The following SDK2 variants were observed in gnomAD, a reference collection of about 807,000 sequenced individuals.
The protein encoded by SDK2 is sidekick cell adhesion molecule 2, also known as protein sidekick-2.
Under a neutral mutation model 253.9 loss-of-function variants are expected in SDK2, and 105 were observed. The observed-to-expected ratio is 0.41, with a 90% CI of 0.35 to 0.49. The LOEUF (loss-of-function observed/expected upper bound fraction) is 0.49, where lower values mean the gene tolerates loss of function less well. Ranked by LOEUF, SDK2 falls within the 20% of genes least tolerant of loss-of-function variation. The probability of loss-of-function intolerance (pLI) is 0.06; values close to 1 mark genes in which losing one functional copy is unlikely to be tolerated. For synonymous variants in SDK2, 1,249 were observed against 1,234.9 expected (o/e 1.01, Z -0.24); for missense variants, 2,608 against 3,003.0 (o/e 0.87, Z 3.07).
rs893463811 is a variant in SDK2 at position 73,511,914 on chromosome 17, TGTG to T, written c.65-4320_65-4318del. ...GTGTGCACGTGTTTATGTGTGCAGG[TGTG>T]TGTGTGTGCAGGTGTGTCTGCATGT... is the stretch of plus-strand genomic sequence containing the variant. On this transcript the variant is annotated intron_variant, in intron 1 of 44. Coordinates refer to ENST00000392650, the MANE Select transcript of SDK2 (RefSeq NM_001144952.2). This position sits in a 1 kb window ranked among gnomAD's most constrained non-coding sequence, Gnocchi z 4.9. 2.1e-4 allele frequency among the ~76,000 whole-genome samples: 32 copies of T among 151,966 alleles called. No homozygotes were observed. The highest frequency in any genetic ancestry group is 7.2e-4 in the African/African-American group (30 of 41,422).
At chr17:73,622,902 C>T (rs954035434) in intron 1 of SDK2, among the ~76,000 whole-genome samples, 7 of 152,190 alleles carry the variant, frequency 4.6e-5, no homozygotes, top group Non-Finnish European at 4.4e-5. Context: ...CTTGTCATTC[C>T]TTGGAGAGGT....
intron 3 of SDK2, among the ~76,000 whole-genome samples, chr17:73,469,987 C>CGCGTGCGG (rs1555585134): frequency 8.6e-6 from 1 of 115,956 alleles, no homozygotes; most frequent in African/African-American, 3.6e-5. Context: ...CGACTGCGCG[C>CGCGTGCGG]GCGCGCACAC....
At position 73,462,602 on chromosome 17, in the gene SDK2, A is replaced by G. The variant is rs367881639; in HGVS notation, c.332-6549T>C. The stretch of plus-strand genomic sequence containing the variant: ...GGTGGTTGTGTGTATGCATGTTTAC[A>G]TATATGTGCCTGTATGGTGGGACAA... On this transcript the variant is annotated intron_variant, in intron 3 of 44. Coordinates refer to ENST00000392650, the MANE Select transcript of SDK2 (RefSeq NM_001144952.2). Among the ~76,000 whole-genome samples, 274 of 152,238 alleles carry G rather than the reference A, an allele frequency of 1.8e-3. 2 individuals are homozygous for G. The highest frequency in any genetic ancestry group is 6.3e-3 in the African/African-American group (260 of 41,520).
chr17:73,612,746 G>A lies in SDK2; in HGVS notation c.64+31279C>T, dbSNP rs1488571442. Among the ~76,000 whole-genome samples the A allele has an allele frequency of 2.6e-5, 4 of 152,032 alleles. No homozygotes were observed. The highest frequency in any genetic ancestry group is 4.4e-5 in the Non-Finnish European group (3 of 68,014). On this transcript the variant is annotated intron_variant, in intron 1 of 44. Coordinates refer to ENST00000392650, the MANE Select transcript of SDK2 (RefSeq NM_001144952.2). The surrounding 1 kb of genome is among the most constrained non-coding windows in gnomAD (Gnocchi z 4.4). ...AGCCTGACCAACATGGTGAAACCCC[G>A]TCTCTACTAAAAATACAAAAATTAG...
intron 24 of SDK2, among the ~76,000 whole-genome samples, chr17:73,397,011 A>C (rs543430764): frequency 6.6e-6 from 1 of 152,332 alleles, no homozygotes; most frequent in African/African-American, 2.4e-5. Flanking sequence ...CTGTCCGCGC[A>C]CAGGAACGGC....
chr17:73,457,309 C>CCCCCTCCCCTCTCCT (rs2063535542), intron 3 of SDK2, among the ~76,000 whole-genome samples: 1 of 65,040 alleles, frequency 1.5e-5, no homozygotes, highest in Non-Finnish European at 2.7e-5. Context: ...CTCCCCCTCC[C>CCCCCTCCCCTCTCCT]CCCCTCCCCT....
intron 1 of SDK2, among the ~76,000 whole-genome samples, chr17:73,637,072 T>G (rs1421725283): frequency 6.6e-6 from 1 of 152,186 alleles, no homozygotes; most frequent in Non-Finnish European, 1.5e-5. Flanking sequence ...TACATACCAC[T>G]TCTTAACAGC....
chr17:73,337,053 A>ATGTGTGTGTGTGTGTGTGTG lies in SDK2; in HGVS notation c.*1514_*1533dup, dbSNP rs3079765. The ATGTGTGTGTGTGTGTGTGTG allele has an allele frequency of 6.7e-6, 1 of 148,710 alleles. No individual in the cohort carries two copies. The highest frequency in any genetic ancestry group is 2.5e-5 in the African/African-American group (1 of 40,520). The allele number at this position is 148,710 out of a possible 1,614,324, so 9.2% of individuals were successfully genotyped here. A position where few individuals can be genotyped will look rare whatever the true frequency, so the allele number is the denominator to read the frequency against. ...TCCTTGGAGCAGATTGTGTATGTGT[A>ATGTGTGTGTGTGTGTGTGTG]TGTGTGTGTGTGTGTGTGTGTGTGT... On this transcript the variant is annotated 3_prime_UTR_variant, in exon 45 of 45. Transcript: ENST00000392650.
intron 1 of SDK2, chr17:73,516,834 G>A (rs1308707036): frequency 3.3e-5 from 5 of 152,238 alleles, no homozygotes; most frequent in Non-Finnish European, 5.9e-5. Flanking sequence ...AGCATCTAAT[G>A]GAACGGATCA....
intron 1 of SDK2, among the ~76,000 whole-genome samples, chr17:73,512,550 TACAC>T (rs144659441): frequency 2.1e-4 from 32 of 148,974 alleles, no homozygotes; most frequent in East Asian, 9.8e-4. Context: ...CACACACACA[TACAC>T]ACACACACAC....
intron 15 of SDK2, 94 bp from the exon 16 acceptor site, chr17:73,419,400 T>C: frequency 7.1e-7 from 1 of 1,401,878 alleles, no homozygotes; most frequent in Admixed American, 2.0e-5. Flanking sequence ...GCTCTGACTC[T>C]GGATAATTCG....
chr17:73,377,589 G>C (rs539228406), intron 36 of SDK2, among the ~76,000 whole-genome samples: 11 of 151,574 alleles, frequency 7.3e-5, no homozygotes, highest in South Asian at 2.1e-4. Context: ...CACCCCTCGG[G>C]GGGTGAGAGC....
At position 73,618,167 on chromosome 17, in the gene SDK2, A is replaced by T. The variant is rs1204859027; in HGVS notation, c.64+25858T>A. On this transcript the variant is annotated intron_variant, in intron 1 of 44. Transcript: ENST00000392650. This position sits in a 1 kb window ranked among gnomAD's most constrained non-coding sequence, Gnocchi z 4.1. ...AGGTTTCCTTACCTGCAGGTAGGGA[A>T]ATGGTAATTTGCTAACCCAAACCCA... 6.6e-6 allele frequency among the ~76,000 whole-genome samples: 1 copy of T among 152,192 alleles called. No individual in the cohort carries two copies. The highest frequency in any genetic ancestry group is 2.4e-5 in the African/African-American group (1 of 41,448).
chr17:73,365,260 T>A lies in SDK2; in HGVS notation c.5303A>T (p.Asp1768Val). 2 of 1,602,530 alleles carry A rather than the reference T, an allele frequency of 1.2e-6. No individual in the cohort carries two copies. Among genetic ancestry groups the A allele is most frequent in the Non-Finnish European group, 1.7e-6 (2 of 1,175,020 alleles). ...GCTGTGCTGGGGGGTCCACTCACCA[T>A]CCACGGGGCTGCAGGGCTCGTACAC... ...RLVYEPCSPV[D>V]GVSKIVTVDV... The change falls in exon 38 of 45, where the codon GAT becomes GTT. Residue 1768 changes from aspartate to valine, a missense_variant and splice_region_variant. Coordinates refer to ENST00000392650, the MANE Select transcript of SDK2 (RefSeq NM_001144952.2).
chr17:73,362,422 T>TTA (rs397972120), intron 38 of SDK2, among the ~76,000 whole-genome samples: 2 of 148,738 alleles, frequency 1.3e-5, no homozygotes, highest in African/African-American at 2.5e-5. Flanking sequence ...TTTTTTTTTT[T>TTA]AAGACAAGGT....
At position 73,642,755 on chromosome 17, in the gene SDK2, C is replaced by T. The variant is rs2046413437; in HGVS notation, c.64+1270G>A. Among the ~76,000 whole-genome samples, 1 of 152,174 alleles carries T rather than the reference C, an allele frequency of 6.6e-6. No homozygotes were observed. The highest frequency in any genetic ancestry group is 1.5e-5 in the Non-Finnish European group (1 of 68,018). On this transcript the variant is annotated intron_variant, in intron 1 of 44. Transcript: ENST00000392650. This position sits in a 1 kb window ranked among gnomAD's most constrained non-coding sequence, Gnocchi z 4.7. Reference sequence around the variant, plus strand: ...ATCATAAAAATAATAACTTTTATTACCCTACATTTATAGGGCTCGTTACAA... The same window carrying T: ...ATCATAAAAATAATAACTTTTATTATCCTACATTTATAGGGCTCGTTACAA...
chr17:73,511,081 G>T lies in SDK2; in HGVS notation c.65-3484C>A, dbSNP rs928433574. On this transcript the variant is annotated intron_variant, in intron 1 of 44. Coordinates refer to ENST00000392650, the MANE Select transcript of SDK2 (RefSeq NM_001144952.2). This position sits in a 1 kb window ranked among gnomAD's most constrained non-coding sequence, Gnocchi z 4.9. The stretch of plus-strand genomic sequence containing the variant: ...CCCGCCGCCCGGCTGGCAGCAGCCA[G>T]CTCTGCTCTCAGCTTAACAAATGGG... Among the ~76,000 whole-genome samples the T allele has an allele frequency of 1.3e-5, 2 of 152,224 alleles. No individual in the cohort carries two copies. Among genetic ancestry groups the T allele is most frequent in the Non-Finnish European group, 2.9e-5 (2 of 68,050 alleles).
chr17:73,610,771 G>A (rs913325536), intron 1 of SDK2, among the ~76,000 whole-genome samples: 4 of 152,184 alleles, frequency 2.6e-5, no homozygotes, highest in African/African-American at 9.7e-5. Context: ...CTATATATGT[G>A]TGTTCATGTA....
At chr17:73,542,116 T>C (rs2044878387) in intron 1 of SDK2, among the ~76,000 whole-genome samples, 1 of 152,258 alleles carries the variant, frequency 6.6e-6, no homozygotes, top group East Asian at 1.9e-4. Flanking sequence ...CTAAAGTACC[T>C]GGGACTGGCC....
Sources: allele counts gnomAD v4.1 joint callset (sites outside exome capture counted in the v4.1 genomes callset), GRCh38; gene constraint gnomAD v4.1.1; non-coding constraint Gnocchi (gnomAD v3.1); transcripts MANE v1.5; gene names NCBI Gene and HGNC (gene_info 2026-07-23, HGNC 2026-07-21).